The following GLIS1 variants were observed in gnomAD, a reference collection of about 807,000 sequenced individuals.
GLIS1 encodes the protein zinc finger protein GLIS1.
In GLIS1, 24 loss-of-function variants were observed where a neutral mutation model predicts 63.8. That is an observed-to-expected ratio of 0.38 (90% CI 0.27 to 0.53). The LOEUF (loss-of-function observed/expected upper bound fraction) is 0.53, where lower values mean the gene tolerates loss of function less well. GLIS1 is among the 20% of genes least tolerant of loss of function. GLIS1 has a pLI of 0.85. For missense variants in GLIS1, 1,036 were observed against 1,074.1 expected (o/e 0.96, Z 0.50); for synonymous variants, 450 against 482.5 (o/e 0.93, Z 0.88).
At chr1:53,708,334 C>T (rs187968764) in intron 2 of GLIS1, among the ~76,000 whole-genome samples, 1 of 151,406 alleles carries the variant, frequency 6.6e-6, no homozygotes, top group Non-Finnish European at 1.5e-5. Context: ...ACAGAGTGTA[C>T]TCAGTTTTCT....
At position 53,514,688 on chromosome 1, in the gene GLIS1, T is replaced by C; in HGVS notation, c.1820A>G (p.Asp607Gly). 1 of 1,613,690 alleles carries C rather than the reference T, an allele frequency of 6.2e-7. No homozygotes were observed. Among genetic ancestry groups the C allele is most frequent in the Non-Finnish European group, 8.5e-7 (1 of 1,179,928 alleles). Residue 607 changes from aspartate (D) to glycine (G), a missense_variant, in exon 8 of 11, where the codon GAT (aspartate) becomes GGT (glycine). Physicochemically the swap from Asp to Gly is moderately conservative, Grantham distance 94 (BLOSUM62 -1). Coordinates refer to ENST00000628545, the MANE Select transcript of GLIS1 (RefSeq NM_001367484.1). ...HDVPSRHHPL[D>G]ATTSSHHHLS... is the part of the protein sequence containing the mutation. ...ATGGTGGTGGGAACTGGTGGTGGCA[T>C]CCAGCGGGTGGTGCCTGGAAGGTAC... is the stretch of plus-strand genomic sequence containing the variant.
intron 2 of GLIS1, among the ~76,000 whole-genome samples, chr1:53,631,104 T>C (rs1645647619): frequency 6.6e-6 from 1 of 152,348 alleles, no homozygotes; most frequent in African/African-American, 2.4e-5. Context: ...TTTATAACTT[T>C]TTCCCCATAA....
intron 2 of GLIS1, among the ~76,000 whole-genome samples, chr1:53,718,902 G>A (rs1194109457): frequency 6.6e-6 from 1 of 152,182 alleles, no homozygotes; most frequent in East Asian, 1.9e-4. Flanking sequence ...GGCCTGCCAG[G>A]TTCAGTGTCT....
intron 4 of GLIS1, among the ~76,000 whole-genome samples, chr1:53,591,139 C>A (rs1212246480): frequency 6.6e-6 from 1 of 152,194 alleles, no homozygotes; most frequent in African/African-American, 2.4e-5. Flanking sequence ...TCCAAAATTC[C>A]TTTGTCTATT....
At chr1:53,738,178 G>A in intron 1 of GLIS1, 72 bp from the exon 2 acceptor site, 1 of 935,758 alleles carries the variant, frequency 1.1e-6, no homozygotes, top group Non-Finnish European at 1.4e-6. Flanking sequence ...GGCCGAGTTT[G>A]AGCAGGTCAC....
At chr1:53,692,254 G>A (rs1249332327) in intron 2 of GLIS1, among the ~76,000 whole-genome samples, 1 of 152,180 alleles carries the variant, frequency 6.6e-6, no homozygotes, top group African/African-American at 2.4e-5. Context: ...TAAACTCACT[G>A]CCAGATTCAG....
intron 2 of GLIS1, among the ~76,000 whole-genome samples, chr1:53,660,838 G>A (rs1646020146): frequency 2.0e-5 from 3 of 152,198 alleles, no homozygotes; most frequent in Admixed American, 2.0e-4. Flanking sequence ...AGAGAGCAGG[G>A]AGTCACTGCA....
rs921886949 is a variant in GLIS1, at chr1:53,730,672, G to A, written c.259+7134C>T. Among the ~76,000 whole-genome samples the A allele has an allele frequency of 2.6e-5, 4 of 152,172 alleles. 1 individual carries two copies. The South Asian group carries it at 6.2e-4, about 24-fold the overall frequency. On this transcript the variant is annotated intron_variant, in intron 2 of 10. Coordinates refer to ENST00000628545, the MANE Select transcript of GLIS1 (RefSeq NM_001367484.1). ...CACTCCCCTTCAGACACAGCGGCACGTAGGAAGGCAAAAACACCTCGGACC... is the reference window on the plus strand; with the variant it reads ...CACTCCCCTTCAGACACAGCGGCACATAGGAAGGCAAAAACACCTCGGACC...
intron 2 of GLIS1, among the ~76,000 whole-genome samples, chr1:53,697,560 G>A (rs1646478612): frequency 1.3e-5 from 2 of 152,160 alleles, no homozygotes; most frequent in Admixed American, 1.3e-4. Flanking sequence ...CCCCAGCAGA[G>A]ATCCAACCCC....
intron 2 of GLIS1, among the ~76,000 whole-genome samples, chr1:53,628,860 G>T (rs997446636): frequency 6.6e-6 from 1 of 152,134 alleles, no homozygotes; most frequent in African/African-American, 2.4e-5. Flanking sequence ...ATCGGGGAAG[G>T]CTCCTGGGCA....
chr1:53,559,590 G>T (rs542357584), intron 4 of GLIS1, among the ~76,000 whole-genome samples: 1 of 152,132 alleles, frequency 6.6e-6, no homozygotes, highest in Non-Finnish European at 1.5e-5. Context: ...CTCACCATGC[G>T]GCTCTGCTCC....
intron 2 of GLIS1, among the ~76,000 whole-genome samples, chr1:53,732,184 C>T (rs954313945): frequency 4.9e-4 from 74 of 152,194 alleles, no homozygotes; most frequent in Admixed American, 1.0e-3. Flanking sequence ...CGATCCGCCT[C>T]GATCCACCGG....
intron 4 of GLIS1, among the ~76,000 whole-genome samples, chr1:53,592,554 T>C (rs2100525569): frequency 6.6e-6 from 1 of 152,308 alleles, no homozygotes; most frequent in African/African-American, 2.4e-5. Flanking sequence ...TGGCCTGGCC[T>C]GCGCGCTGTC....
intron 8 of GLIS1, among the ~76,000 whole-genome samples, chr1:53,514,311 C>T (rs909254649): frequency 1.3e-5 from 2 of 152,128 alleles, no homozygotes; most frequent in Admixed American, 6.5e-5. Context: ...TTCCATTCTG[C>T]GTGTGGCAGC....
At position 53,730,196 on chromosome 1, in the gene GLIS1, C is replaced by T. The variant is rs367712373; in HGVS notation, c.259+7610G>A. 5.9e-4 allele frequency among the ~76,000 whole-genome samples: 90 copies of T among 152,164 alleles called. 1 individual carries two copies. The South Asian group carries it at 0.018, about 30-fold the overall frequency. On this transcript the variant is annotated intron_variant, in intron 2 of 10. Transcript: ENST00000628545. ...GGGCCCAGTGACAAGCAAAAAACTC[C>T]GTAACTTTCTCTGCTTGCTAGGACA...
intron 4 of GLIS1, among the ~76,000 whole-genome samples, chr1:53,561,466 A>G (rs1161558278): frequency 1.3e-5 from 2 of 152,236 alleles, no homozygotes; most frequent in Non-Finnish European, 2.9e-5. Context: ...CAGGCACTGT[A>G]TGTCTTTACA....
chr1:53,673,254 T>C (rs903343955), intron 2 of GLIS1, among the ~76,000 whole-genome samples: 1 of 152,200 alleles, frequency 6.6e-6, no homozygotes, highest in Non-Finnish European at 1.5e-5. Context: ...CGCAGTGATT[T>C]AGAGATAGCA....
At chr1:53,711,926 G>A (rs1646650994) in intron 2 of GLIS1, among the ~76,000 whole-genome samples, 1 of 152,172 alleles carries the variant, frequency 6.6e-6, no homozygotes, top group Admixed American at 6.5e-5. Context: ...GATCCCTACA[G>A]GCCTTCGCTA....
At chr1:53,541,393 C>T (rs1332787539) in intron 4 of GLIS1, among the ~76,000 whole-genome samples, 1 of 152,242 alleles carries the variant, frequency 6.6e-6, no homozygotes, top group Non-Finnish European at 1.5e-5. Context: ...CACACCCACC[C>T]AGCCACCCAC....
Sources: allele counts gnomAD v4.1 joint callset (sites outside exome capture counted in the v4.1 genomes callset), GRCh38; gene constraint gnomAD v4.1.1; transcripts MANE v1.5; gene names NCBI Gene and HGNC (gene_info 2026-07-23, HGNC 2026-07-21).